CCNY: variants seen among roughly 807,000 people sequenced by gnomAD.
CCNY encodes the protein cyclin-Y.
A neutral mutation model predicts 42.8 loss-of-function variants in CCNY; 19 were observed. The observed-to-expected ratio is 0.44, with a 90% CI of 0.31 to 0.65. The LOEUF (loss-of-function observed/expected upper bound fraction) is 0.65. Ranked by LOEUF, CCNY falls within the 30% of genes least tolerant of loss-of-function variation. The pLI, the probability that CCNY is intolerant of heterozygous loss-of-function variation, is 0.07. For synonymous variants in CCNY, 165 were observed against 162.7 expected (o/e 1.01, Z -0.11); for missense variants, 370 against 437.3 (o/e 0.85, Z 1.37).
At chr10:35,364,254 G>A (rs1836762536) in intron 1 of CCNY, among the ~76,000 whole-genome samples, 2 of 152,002 alleles carry the variant, frequency 1.3e-5, no homozygotes, top group South Asian at 2.1e-4. Context: ...TTCACCATCC[G>A]TCTAAACAAT....
upstream of CCNY, among the ~76,000 whole-genome samples, chr10:35,334,412 G>A (rs965166205): frequency 3.3e-5 from 5 of 152,108 alleles, no homozygotes; most frequent in Admixed American, 2.0e-4. Context: ...CAGACAACAA[G>A]GGAACTTCTC....
chr10:35,275,744 C>T (rs961222869), intron 3 of CCNY, among the ~76,000 whole-genome samples: 26 of 151,624 alleles, frequency 1.7e-4, no homozygotes, highest in African/African-American at 6.3e-4. Context: ...GCCTGGGTGA[C>T]ACAGCGAGAC....
intron 3 of CCNY, among the ~76,000 whole-genome samples, chr10:35,289,754 G>C (rs1835390275): frequency 6.6e-6 from 1 of 151,494 alleles, no homozygotes; most frequent in African/African-American, 2.4e-5. Flanking sequence ...GGTGCCTGTA[G>C]TTCCAGCTAC....
chr10:35,299,989 C>T (rs920644924), intron 3 of CCNY, among the ~76,000 whole-genome samples: 1 of 152,148 alleles, frequency 6.6e-6, no homozygotes, highest in Non-Finnish European at 1.5e-5. Flanking sequence ...TAATATGATG[C>T]CACTCCTACA....
chr10:35,288,566 A>G lies in CCNY; in HGVS notation c.-9+37940A>G, dbSNP rs190532921. 7.2e-5 allele frequency among the ~76,000 whole-genome samples: 11 copies of G among 152,262 alleles called. No individual in the cohort carries two copies. The East Asian group carries it at 2.1e-3, about 29-fold the overall frequency. On this transcript the variant is annotated intron_variant, in intron 3 of 11. Coordinates refer to the CCNY transcript ENST00000374706. ...GCCCTAAGAAATGTTTGCCTATCCC[A>G]AGGTTGTAAAGATTTTCTCCTAGTA... is the stretch of plus-strand genomic sequence containing the variant.
At chr10:35,423,312 A>C (rs1247744499) in intron 1 of CCNY, among the ~76,000 whole-genome samples, 4 of 152,018 alleles carry the variant, frequency 2.6e-5, no homozygotes, top group Admixed American at 2.6e-4. Flanking sequence ...CCGTCTCTAC[A>C]AAACATGCAA....
intron 2 of CCNY, among the ~76,000 whole-genome samples, chr10:35,489,984 C>T (rs1839864885): frequency 6.6e-6 from 1 of 152,250 alleles, no homozygotes; most frequent in East Asian, 1.9e-4. Context: ...CTCAGAACAC[C>T]TTCCCTGACT....
intron 3 of CCNY, among the ~76,000 whole-genome samples, chr10:35,501,862 C>G (rs1663242356): frequency 6.6e-6 from 1 of 152,148 alleles, no homozygotes; most frequent in African/African-American, 2.4e-5. Flanking sequence ...TACCCTCACC[C>G]CCAAATTATT....
Position 35,444,718 on chromosome 10 carries a change from C to T in CCNY, c.155-38686C>T, listed in dbSNP as rs113197863. Reference sequence around the variant, plus strand: ...ATGCAGTCTGTTGACCAAAACGTTACGCAGTGCATGACTGAATTTTTGTTT... The same window carrying T: ...ATGCAGTCTGTTGACCAAAACGTTATGCAGTGCATGACTGAATTTTTGTTT... On this transcript the variant is annotated intron_variant, in intron 1 of 9. Transcript: ENST00000374704. Among the ~76,000 whole-genome samples, 986 of 152,318 alleles carry T rather than the reference C, an allele frequency of 6.5e-3. 8 individuals carry two copies. Among genetic ancestry groups the T allele is most frequent in the African/African-American group, 0.012 (518 of 41,566 alleles).
At chr10:35,253,414 ATTTTTTTTTTTT>A (rs61405875) in intron 3 of CCNY, among the ~76,000 whole-genome samples, 41 of 89,022 alleles carry the variant, frequency 4.6e-4, no homozygotes, top group African/African-American at 1.1e-3. Flanking sequence ...CATGCTCACT[ATTTTTTTTTTTT>A]TTTTTTTTTT....
At chr10:35,283,036 T>C (rs1010215647) in intron 3 of CCNY, among the ~76,000 whole-genome samples, 6 of 152,182 alleles carry the variant, frequency 3.9e-5, no homozygotes, top group African/African-American at 1.2e-4. Context: ...ACCACCCCAC[T>C]GGGATCATTG....
chr10:35,347,336 G>A (rs773431023), intron 1 of CCNY: 94 of 438,598 alleles, frequency 2.1e-4, no homozygotes, highest in South Asian at 7.9e-4. Context: ...ATCCGTGCCA[G>A]TTTGCTTTGT....
In CCNY at chr10:35,457,585, A is replaced by AT. The variant is rs879797759; in HGVS notation, c.155-25806dup. 8.7e-3 allele frequency among the ~76,000 whole-genome samples: 1,265 copies of AT among 146,062 alleles called. 12 individuals are homozygous for AT. The highest frequency in any genetic ancestry group is 0.023 in the African/African-American group (924 of 40,002). ...TACTGTAACCCAAATTCATAGATGT[A>AT]TTTTTTTTTTTTTGAGATGGAGTCT... is the stretch of plus-strand genomic sequence containing the variant. On this transcript the variant is annotated intron_variant, in intron 1 of 9. Transcript: ENST00000374704.
At chr10:35,433,586 G>A (rs1388640305) in intron 1 of CCNY, among the ~76,000 whole-genome samples, 2 of 152,192 alleles carry the variant, frequency 1.3e-5, no homozygotes, top group African/African-American at 2.4e-5. Context: ...TATGATACAT[G>A]TATTAGTCTT....
chr10:35,535,015 G>A (rs971875408), intron 7 of CCNY, among the ~76,000 whole-genome samples: 19 of 147,390 alleles, frequency 1.3e-4, no homozygotes, highest in Non-Finnish European at 2.5e-4. Flanking sequence ...GTGTGTGTGT[G>A]TGTGTGTGTG....
intron 8 of CCNY, among the ~76,000 whole-genome samples, chr10:35,553,946 A>C (rs967353409): frequency 3.9e-5 from 6 of 152,246 alleles, no homozygotes; most frequent in African/African-American, 1.4e-4. Context: ...TGTAGAAAAC[A>C]ATCAGATAGC....
At chr10:35,503,747 G>A (rs959907011) in intron 3 of CCNY, among the ~76,000 whole-genome samples, 19 of 152,164 alleles carry the variant, frequency 1.2e-4, no homozygotes, top group African/African-American at 4.6e-4. Flanking sequence ...TTACAGATGA[G>A]GAGATGAGGC....
chr10:35,506,569 C>G (rs1306833820), intron 3 of CCNY, among the ~76,000 whole-genome samples: 1 of 152,164 alleles, frequency 6.6e-6, no homozygotes, highest in Non-Finnish European at 1.5e-5. Context: ...ACCCCTTCTT[C>G]CCTTTCTTCA....
At position 35,529,478 on chromosome 10, in the gene CCNY, T is replaced by C. The variant is rs1177472800; in HGVS notation, c.402-495T>C. 3.9e-5 allele frequency among the ~76,000 whole-genome samples: 6 copies of C among 152,332 alleles called. No homozygotes were observed. In the East Asian group the frequency reaches 1.2e-3, roughly 29 times the overall value. On this transcript the variant is annotated intron_variant, in intron 5 of 9. Transcript: ENST00000374704. ...GTGTGGTTTATAACCTTTATTTCCT[T>C]GGGCTATTTTAATCATAAGTGATTA...
Sources: gnomAD v4.1 joint callset for allele counts (sites outside exome capture counted in the v4.1 genomes callset) on GRCh38, gnomAD v4.1.1 for gene constraint, MANE v1.5 for transcripts, NCBI Gene and HGNC (gene_info 2026-07-23, HGNC 2026-07-21) for gene names.